The following AP3B1 variants were observed in gnomAD, a reference collection of about 807,000 sequenced individuals.
The protein encoded by AP3B1 is adaptor related protein complex 3 subunit beta 1.
A neutral mutation model predicts 132.5 loss-of-function variants in AP3B1; 61 were observed. That is an observed-to-expected ratio of 0.46 (90% CI 0.37 to 0.57). The LOEUF (loss-of-function observed/expected upper bound fraction) is 0.57. Ranked by LOEUF, AP3B1 falls within the 20% of genes least tolerant of loss-of-function variation. The pLI is 0.00. For synonymous variants in AP3B1, 388 were observed against 438.3 expected, an observed-to-expected ratio of 0.89 and a Z score of 1.43; for missense variants, 1,120 against 1,289.4, an observed-to-expected ratio of 0.87 and a Z score of 2.01.
At position 78,123,675 on chromosome 5, in the gene AP3B1, A is replaced by G. The variant is rs1428039548; in HGVS notation, c.1968+4355T>C. Among the ~76,000 whole-genome samples, 83 of 152,052 alleles carry G rather than the reference A, an allele frequency of 5.5e-4. No individual in the cohort carries two copies. The East Asian group carries it at 0.013, about 24-fold the overall frequency. ...ACCATCTCACACCAGTTAGAATGGC[A>G]ATCATTAAAAAGTCAGGAAACAACA... On this transcript the variant is annotated intron_variant, in intron 17 of 26. Coordinates refer to ENST00000255194, the MANE Select transcript of AP3B1 (RefSeq NM_003664.5).
chr5:78,160,707 C>CGGGATTT (rs1450575563), intron 13 of AP3B1, among the ~76,000 whole-genome samples: 1 of 152,008 alleles, frequency 6.6e-6, no homozygotes, highest in African/African-American at 2.4e-5. Context: ...TCTTCATTCA[C>CGGGATTT]AGTATTTATT....
rs1332793203 is a variant in AP3B1, at chr5:78,216,049, A to G, written c.786+6T>C. ...ACTTGAAAGTGGAAGACTGTTCAACACTTACCTCTTTCCAAGGGCTGACAA... is the reference window on the plus strand; with the variant it reads ...ACTTGAAAGTGGAAGACTGTTCAACGCTTACCTCTTTCCAAGGGCTGACAA... On this transcript the variant is annotated splice_donor_region_variant and intron_variant, in intron 7 of 26. Transcript: ENST00000255194. 1.2e-6 allele frequency: 2 copies of G among 1,613,932 alleles called. No individual in the cohort carries two copies. Among genetic ancestry groups the G allele is most frequent in the Non-Finnish European group, 1.7e-6 (2 of 1,179,820 alleles).
intron 21 of AP3B1, among the ~76,000 whole-genome samples, chr5:78,097,011 T>TGG (rs1322949985): frequency 1.2e-5 from 1 of 85,170 alleles, no homozygotes; most frequent in Non-Finnish European, 2.3e-5. Context: ...GGGAGGGAGG[T>TGG]GGGGGGGTCA....
At chr5:78,249,737 C>A (rs1747551653) in intron 2 of AP3B1, among the ~76,000 whole-genome samples, 1 of 151,996 alleles carries the variant, frequency 6.6e-6, no homozygotes, top group Non-Finnish European at 1.5e-5. Context: ...GCACCCTCCA[C>A]CATACCTGGC....
chr5:78,094,309 T>A (rs1055448962), intron 21 of AP3B1, among the ~76,000 whole-genome samples: 1 of 152,222 alleles, frequency 6.6e-6, no homozygotes, highest in African/African-American at 2.4e-5. Context: ...TGTTTTCTTA[T>A]GTATTGTTAA....
chr5:78,163,603 ATGTG>A (rs568118758), intron 12 of AP3B1, among the ~76,000 whole-genome samples: 3 of 133,294 alleles, frequency 2.3e-5, no homozygotes, highest in Non-Finnish European at 4.7e-5. Flanking sequence ...ATATATATAT[ATGTG>A]TGTGTGTGTA....
At chr5:78,149,846 A>C (rs528388000) in intron 14 of AP3B1, among the ~76,000 whole-genome samples, 1 of 152,338 alleles carries the variant, frequency 6.6e-6, no homozygotes, top group African/African-American at 2.4e-5. Flanking sequence ...AATCAACAGT[A>C]AGAACAGATA....
chr5:78,136,430 G>T (rs1046051677), intron 15 of AP3B1, among the ~76,000 whole-genome samples: 1 of 152,068 alleles, frequency 6.6e-6, no homozygotes. Flanking sequence ...GAAATACTAG[G>T]TGAAGGCATA....
At chr5:78,230,979 G>A (rs1179422701) in intron 3 of AP3B1, among the ~76,000 whole-genome samples, 1 of 151,804 alleles carries the variant, frequency 6.6e-6, no homozygotes, top group African/African-American at 2.4e-5. Flanking sequence ...AATTAGCCAG[G>A]TGTATTGGCC....
intron 5 of AP3B1, 69 bp from the exon 6 acceptor site, chr5:78,225,677 C>G: frequency 1.0e-6 from 1 of 988,608 alleles, no homozygotes; most frequent in Non-Finnish European, 1.6e-6. Context: ...CTCACCAATT[C>G]AAGGATGTTG....
At chr5:78,235,945 T>C (rs1746858783) in intron 3 of AP3B1, among the ~76,000 whole-genome samples, 1 of 152,140 alleles carries the variant, frequency 6.6e-6, no homozygotes, top group Non-Finnish European at 1.5e-5. Flanking sequence ...AAAATGAAAT[T>C]TTGCACTTGA....
chr5:78,156,804 A>G (rs1054230741), intron 13 of AP3B1, among the ~76,000 whole-genome samples: 1 of 152,248 alleles, frequency 6.6e-6, no homozygotes, highest in African/African-American at 2.4e-5. Flanking sequence ...AACTAAAAAA[A>G]AAATTTTTCC....
chr5:78,123,217 A>C (rs889547468), intron 17 of AP3B1, among the ~76,000 whole-genome samples: 3 of 152,220 alleles, frequency 2.0e-5, no homozygotes, highest in Non-Finnish European at 2.9e-5. Flanking sequence ...TAAAGACTTA[A>C]ATGTTAGATC....
intron 20 of AP3B1, among the ~76,000 whole-genome samples, chr5:78,106,530 C>T (rs1237909479): frequency 5.3e-5 from 8 of 152,058 alleles, no homozygotes; most frequent in Non-Finnish European, 8.8e-5. Context: ...TTTGGGCAAG[C>T]TAGCCTGAGT....
At chr5:78,173,201 T>C (rs1300558741) in intron 11 of AP3B1, among the ~76,000 whole-genome samples, 1 of 152,160 alleles carries the variant, frequency 6.6e-6, no homozygotes, top group Non-Finnish European at 1.5e-5. Context: ...TTAGAATAAG[T>C]GTGATGTGGT....
At chr5:78,094,324 C>T (rs1299952603) in intron 21 of AP3B1, among the ~76,000 whole-genome samples, 1 of 152,014 alleles carries the variant, frequency 6.6e-6, no homozygotes, top group Non-Finnish European at 1.5e-5. Context: ...TGTTAACTGA[C>T]CCCCATGAAA....
chr5:78,019,771 T>C (rs1008261394), intron 25 of AP3B1, among the ~76,000 whole-genome samples: 4 of 152,076 alleles, frequency 2.6e-5, no homozygotes, highest in Non-Finnish European at 5.9e-5. Context: ...TTCAGCACAA[T>C]AGCAGAGTGC....
At chr5:78,084,521 CAAAA>C (rs568637894) in intron 22 of AP3B1, among the ~76,000 whole-genome samples, 1 of 43,998 alleles carries the variant, frequency 2.3e-5, no homozygotes, top group African/African-American at 1.1e-4. Flanking sequence ...CAGACCCTGT[CAAAA>C]AAAAAAAAAA....
chr5:78,124,223 AG>A (rs1752364398), intron 17 of AP3B1, among the ~76,000 whole-genome samples: 1 of 152,248 alleles, frequency 6.6e-6, no homozygotes, highest in Admixed American at 6.5e-5. Context: ...GGGGAGGGAT[AG>A]CATTTGGAGA....
Sources: allele counts gnomAD v4.1 joint callset (sites outside exome capture counted in the v4.1 genomes callset), GRCh38; gene constraint gnomAD v4.1.1; transcripts MANE v1.5; gene names NCBI Gene and HGNC (gene_info 2026-07-23, HGNC 2026-07-21).